Variants in NPTN observed in about 807,000 individuals in gnomAD.
NPTN encodes the protein neuroplastin, also known as SDR-1.
A neutral mutation model predicts 42.7 loss-of-function variants in NPTN; 5 were observed. The ratio of observed to expected loss-of-function variants is 0.12; its 90% CI spans 0.06 to 0.25. The LOEUF (loss-of-function observed/expected upper bound fraction) is 0.25. NPTN is among the 10% of genes least tolerant of loss of function. NPTN has a pLI of 1.00. For synonymous variants in NPTN, 180 were observed against 201.9 expected, an observed-to-expected ratio of 0.89 and a Z score of 0.92; for missense variants, 307 against 525.4, an observed-to-expected ratio of 0.58 and a Z score of 4.06.
chr15:73,611,382 C>T (rs1381592472), intron 1 of NPTN, among the ~76,000 whole-genome samples: 1 of 152,042 alleles, frequency 6.6e-6, no homozygotes, highest in East Asian at 1.9e-4. Context: ...CAGTAAAATA[C>T]TATTCAATGC....
intron 6 of NPTN, chr15:73,563,590 T>C: frequency 5.4e-6 from 6 of 1,119,840 alleles, no homozygotes; most frequent in Non-Finnish European, 5.5e-6. Context: ...CACTCTTAAA[T>C]AGATGAGAAG....
intron 1 of NPTN, among the ~76,000 whole-genome samples, chr15:73,606,893 AC>A (rs1304768797): frequency 6.6e-6 from 1 of 152,138 alleles, no homozygotes; most frequent in Non-Finnish European, 1.5e-5. Context: ...TTAGCAAAGA[AC>A]CTTGCTAAGT....
At chr15:73,602,036 A>G (rs2141418426) in intron 1 of NPTN, among the ~76,000 whole-genome samples, 1 of 152,304 alleles carries the variant, frequency 6.6e-6, no homozygotes, top group African/African-American at 2.4e-5. Context: ...GCAGAGGGTG[A>G]GAAGAAAAAG....
At chr15:73,561,740 A>G (rs190565866) in intron 8 of NPTN, among the ~76,000 whole-genome samples, 156 bp downstream of exon 8, 177 of 152,288 alleles carry the variant, frequency 1.2e-3, no homozygotes, top group African/African-American at 3.9e-3. Flanking sequence ...CCAGTCCCTA[A>G]ACTGGGCAGA....
Position 73,570,525 on chromosome 15 carries a change from T to G in NPTN, c.841-102A>C. The G allele has an allele frequency of 9.7e-7, 1 of 1,033,754 alleles. No individual in the cohort carries two copies. Among genetic ancestry groups the G allele is most frequent in the South Asian group, 1.5e-5 (1 of 65,700 alleles). 64.0% of individuals were successfully genotyped at this position (1,033,754 alleles called of 1,614,324 possible). A position where few individuals can be genotyped will look rare whatever the true frequency, so the allele number is the denominator to read the frequency against. ...CGTTCTTTTTAGGCACCAGCCAGAA[T>G]GAGGAAGCAGTGTCTAGGAACATTT... On this transcript the variant is annotated intron_variant, in intron 5 of 8. Coordinates refer to ENST00000345330, the MANE Select transcript of NPTN (RefSeq NM_012428.4). The surrounding 1 kb of genome is among the most constrained non-coding windows in gnomAD (Gnocchi z 4.0).
chr15:73,600,536 G>T (rs370958524), intron 1 of NPTN, among the ~76,000 whole-genome samples: 1 of 152,252 alleles, frequency 6.6e-6, no homozygotes, highest in African/African-American at 2.4e-5. Context: ...TTTGCCCACG[G>T]TCACAAGCTA....
intron 1 of NPTN, among the ~76,000 whole-genome samples, chr15:73,611,673 T>C (rs1200854351): frequency 6.6e-6 from 1 of 152,212 alleles, no homozygotes; most frequent in African/African-American, 2.4e-5. Flanking sequence ...ATGATTAGCG[T>C]ATGTAATTAT....
At chr15:73,567,920 G>A (rs1895128244) in intron 6 of NPTN, 2 of 985,280 alleles carry the variant, frequency 2.0e-6, no homozygotes, top group South Asian at 4.7e-5. Flanking sequence ...AGAGACTAGA[G>A]CAAGGAGGTT....
intron 5 of NPTN, among the ~76,000 whole-genome samples, chr15:73,571,366 A>T (rs1170111358): frequency 6.6e-6 from 1 of 152,204 alleles, no homozygotes; most frequent in Admixed American, 6.5e-5. Flanking sequence ...AGATAGGGAG[A>T]AGACAGACCT....
At chr15:73,618,150 T>C (rs1897954280) in intron 1 of NPTN, among the ~76,000 whole-genome samples, 1 of 152,250 alleles carries the variant, frequency 6.6e-6, no homozygotes, top group African/African-American at 2.4e-5. Context: ...CTGGAATTCT[T>C]TCTGCCTCGA....
At chr15:73,572,851 T>G (rs1284483871) in intron 5 of NPTN, among the ~76,000 whole-genome samples, 1 of 152,232 alleles carries the variant, frequency 6.6e-6, no homozygotes, top group Admixed American at 6.5e-5. Flanking sequence ...TGGTGAATTA[T>G]AATCCCCAGT....
chr15:73,576,104 G>A (rs1465288328), intron 4 of NPTN, among the ~76,000 whole-genome samples: 4 of 152,062 alleles, frequency 2.6e-5, no homozygotes, highest in Middle Eastern at 3.2e-3. Context: ...GCACTCCAAG[G>A]AGCAGGCTCC....
intron 1 of NPTN, among the ~76,000 whole-genome samples, chr15:73,605,494 C>T (rs954643951): frequency 4.0e-5 from 6 of 151,250 alleles, no homozygotes; most frequent in South Asian, 2.1e-4. Context: ...TTTGGGAGGC[C>T]GAGGCGGGCA....
chr15:73,624,895 T>C (rs1898318069), intron 1 of NPTN, among the ~76,000 whole-genome samples: 1 of 152,228 alleles, frequency 6.6e-6, no homozygotes, highest in Non-Finnish European at 1.5e-5. Context: ...TTGATTATAT[T>C]CAAATTACTG....
chr15:73,576,232 T>C (rs1392688194), intron 4 of NPTN, among the ~76,000 whole-genome samples: 1 of 152,246 alleles, frequency 6.6e-6, no homozygotes, highest in African/African-American at 2.4e-5. Context: ...TATGTCAGAC[T>C]GGTTGGGTAA....
At chr15:73,582,009 A>AT (rs1194061582) in intron 4 of NPTN, among the ~76,000 whole-genome samples, 1 of 151,866 alleles carries the variant, frequency 6.6e-6, no homozygotes, top group East Asian at 1.9e-4. Context: ...TAATTTTTGT[A>AT]TTTTTTAGTA....
intron 1 of NPTN, among the ~76,000 whole-genome samples, chr15:73,616,993 A>C (rs1897894096): frequency 6.6e-6 from 1 of 152,224 alleles, no homozygotes; most frequent in Admixed American, 6.5e-5. Flanking sequence ...TTCAATATCA[A>C]GAATGCAGTC....
intron 7 of NPTN, among the ~76,000 whole-genome samples, chr15:73,562,953 C>T (rs1894770283): frequency 6.6e-6 from 1 of 152,010 alleles, no homozygotes; most frequent in Non-Finnish European, 1.5e-5. Context: ...CTGGCCATTT[C>T]CCCCACATTT....
At chr15:73,623,261 C>G (rs1898223173) in intron 1 of NPTN, among the ~76,000 whole-genome samples, 1 of 152,232 alleles carries the variant, frequency 6.6e-6, no homozygotes, top group African/African-American at 2.4e-5. Flanking sequence ...TTATAGTAAG[C>G]AAAATTCTGT....
Sources: gnomAD v4.1 joint callset for allele counts (sites outside exome capture counted in the v4.1 genomes callset) on GRCh38, gnomAD v4.1.1 for gene constraint, Gnocchi (gnomAD v3.1) non-coding constraint, MANE v1.5 for transcripts, NCBI Gene and HGNC (gene_info 2026-07-23, HGNC 2026-07-21) for gene names.